TOX2: variants seen among roughly 807,000 people sequenced by gnomAD.
TOX2 encodes the protein granulosa cell HMG box 1.
TOX2 carries 15 observed loss-of-function variants against 47.4 expected under a neutral mutation model. That is an observed-to-expected ratio of 0.32 (90% CI 0.21 to 0.49). The LOEUF is 0.49. Among genes scored for constraint, TOX2 ranks in the 20% least tolerant of loss-of-function variants. TOX2 has a pLI of 0.99. For missense variants in TOX2, 622 were observed against 673.1 expected (o/e 0.92, Z 0.84); for synonymous variants, 290 against 296.6 (o/e 0.98, Z 0.23).
chr20:44,003,243 G>A (rs1057033642), intron 2 of TOX2, among the ~76,000 whole-genome samples: 2 of 149,844 alleles, frequency 1.3e-5, no homozygotes, highest in Admixed American at 1.3e-4. Flanking sequence ...CTGGAGTGCA[G>A]TGGCACAATC....
rs1471738747 is a variant in TOX2, at chr20:43,915,892, C to T, written c.99+902C>T. The stretch of plus-strand genomic sequence containing the variant: ...CCCCAGCCAGGTCCCAGCTGCGCTG[C>T]GCCGGGCGCATTCCCAGTGATGGAG... On this transcript the variant is annotated intron_variant, in intron 1 of 8. Coordinates refer to ENST00000341197, the MANE Select transcript of TOX2 (RefSeq NM_001098797.2). This position sits in a 1 kb window ranked among gnomAD's most constrained non-coding sequence, Gnocchi z 7.1. 6.6e-6 allele frequency among the ~76,000 whole-genome samples: 1 copy of T among 152,230 alleles called. No individual in the cohort carries two copies. The highest frequency in any genetic ancestry group is 2.4e-5 in the African/African-American group (1 of 41,458).
At chr20:44,059,728 C>T (rs1209157374) in intron 5 of TOX2, among the ~76,000 whole-genome samples, 2 of 152,112 alleles carry the variant, frequency 1.3e-5, no homozygotes, top group East Asian at 3.9e-4. Context: ...ACTGCCAAGC[C>T]AGCACTGCAA....
intron 1 of TOX2, among the ~76,000 whole-genome samples, chr20:43,951,707 G>GTTGTTTTTTTTTTTTTTTTTTTTTTT (rs2069571130): frequency 1.8e-5 from 1 of 55,098 alleles, no homozygotes; most frequent in Non-Finnish European, 3.9e-5. Flanking sequence ...AACTTATTAT[G>GTTGTTTTTTTTTTTTTTTTTTTTTTT]TTTTTTTTTT....
At chr20:43,927,619 T>TCC in intron 1 of TOX2, among the ~76,000 whole-genome samples, 1 of 75,184 alleles carries the variant, frequency 1.3e-5, no homozygotes, top group African/African-American at 1.4e-4. Flanking sequence ...CTTCCTTCCT[T>TCC]CCTTCCTCCT....
intron 4 of TOX2, among the ~76,000 whole-genome samples, chr20:44,053,202 G>C (rs1017990938): frequency 1.3e-5 from 2 of 152,162 alleles, no homozygotes; most frequent in Non-Finnish European, 2.9e-5. Flanking sequence ...CATCCTGGAA[G>C]CCCTAAGTCA....
chr20:44,030,790 A>G (rs890124157), intron 3 of TOX2, among the ~76,000 whole-genome samples: 3 of 152,194 alleles, frequency 2.0e-5, no homozygotes, highest in African/African-American at 4.8e-5. Context: ...TGCCTTCCTG[A>G]AAAACCTGAA....
chr20:44,006,362 G>T (rs2070679041), intron 2 of TOX2, among the ~76,000 whole-genome samples, 185 bp from the exon 3 acceptor site: 1 of 152,192 alleles, frequency 6.6e-6, no homozygotes, highest in African/African-American at 2.4e-5. Context: ...TCTGTTTGGG[G>T]ATAGGGCAGG....
intron 2 of TOX2, among the ~76,000 whole-genome samples, chr20:44,002,136 T>A (rs1362412087): frequency 1.3e-5 from 2 of 152,066 alleles, no homozygotes; most frequent in African/African-American, 2.4e-5. Context: ...CTGCCAGCTT[T>A]CCAGTTCAGA....
At chr20:43,927,597 C>CTTCT (rs2069186303) in intron 1 of TOX2, among the ~76,000 whole-genome samples, 5 of 3,520 alleles carry the variant, frequency 1.4e-3, no homozygotes, top group Admixed American at 0.01. Context: ...AATTTCCTTC[C>CTTCT]TTCCTTCCTT....
intron 1 of TOX2, among the ~76,000 whole-genome samples, chr20:43,929,482 T>C (rs1362170966): frequency 6.6e-6 from 1 of 150,632 alleles, no homozygotes; most frequent in Non-Finnish European, 1.5e-5. Context: ...GCCTTCTTGC[T>C]ATTTCTCAGA....
intron 4 of TOX2, among the ~76,000 whole-genome samples, chr20:44,053,621 C>A (rs972227268): frequency 1.3e-5 from 2 of 150,404 alleles, no homozygotes; most frequent in Admixed American, 1.3e-4. Flanking sequence ...TATACACACA[C>A]ACACACACGT....
intron 3 of TOX2, among the ~76,000 whole-genome samples, chr20:44,038,674 G>A (rs2071279325): frequency 6.6e-6 from 1 of 152,132 alleles, no homozygotes. Flanking sequence ...CCTGGGCTGA[G>A]TGTGAGGCTG....
intron 8 of TOX2, among the ~76,000 whole-genome samples, chr20:44,068,135 C>T (rs2071866488): frequency 6.6e-6 from 1 of 152,136 alleles, no homozygotes; most frequent in African/African-American, 2.4e-5. Context: ...GGTGCAGACC[C>T]TCCTACCCCA....
chr20:44,011,509 T>C (rs1185270131), intron 3 of TOX2, among the ~76,000 whole-genome samples: 1 of 152,064 alleles, frequency 6.6e-6, no homozygotes, highest in Non-Finnish European at 1.5e-5. Context: ...TGATGCAGAG[T>C]AGATTCTATA....
At chr20:43,982,229 C>T (rs1053063475) in intron 2 of TOX2, among the ~76,000 whole-genome samples, 1 of 151,884 alleles carries the variant, frequency 6.6e-6, no homozygotes. Context: ...GTTGGTGGGC[C>T]AAGAGCCAGG....
chr20:44,045,178 A>T (rs1233179705), intron 3 of TOX2, among the ~76,000 whole-genome samples: 1 of 152,214 alleles, frequency 6.6e-6, no homozygotes, highest in Non-Finnish European at 1.5e-5. Context: ...AGAATTCTGC[A>T]GACGGCTGCT....
rs377549988 is a variant in TOX2 at position 43,926,889 on chromosome 20, C to T, written c.99+11899C>T. Among the ~76,000 whole-genome samples the T allele has an allele frequency of 4.1e-4, 63 of 152,328 alleles. 1 individual carries two copies. In the South Asian group the frequency reaches 9.7e-3, roughly 24 times the overall value. ...CACAAGTAATTCTTGCAACAGTCTC[C>T]GCAGTGGTCCACGAAGGTGGCCAGG... On this transcript the variant is annotated intron_variant, in intron 1 of 8. Transcript: ENST00000341197.
intron 1 of TOX2, among the ~76,000 whole-genome samples, chr20:43,956,005 C>G (rs766676581): frequency 6.7e-6 from 1 of 149,506 alleles, no homozygotes; most frequent in African/African-American, 2.5e-5. Flanking sequence ...TATCTTGCAC[C>G]GCCTTACTAT....
Position 43,934,480 on chromosome 20 carries a change from A to G in TOX2, c.99+19490A>G, listed in dbSNP as rs1426234997. On this transcript the variant is annotated intron_variant, in intron 1 of 8. Transcript: ENST00000341197. Reference sequence around the variant, plus strand: ...GGATTGGAACCCAAGCCTGCTTGCCAGGAACATACTTTCTCTTCCTAAGGG... The same window carrying G: ...GGATTGGAACCCAAGCCTGCTTGCCGGGAACATACTTTCTCTTCCTAAGGG... Among the ~76,000 whole-genome samples, 3 of 152,326 alleles carry G rather than the reference A, an allele frequency of 2.0e-5. No individual in the cohort carries two copies. The South Asian group carries it at 6.2e-4, about 32-fold the overall frequency.
Sources: allele counts gnomAD v4.1 joint callset (sites outside exome capture counted in the v4.1 genomes callset), GRCh38; gene constraint gnomAD v4.1.1; non-coding constraint Gnocchi (gnomAD v3.1); transcripts MANE v1.5; gene names NCBI Gene and HGNC (gene_info 2026-07-23, HGNC 2026-07-21).